Variants in ABCC12 observed in about 807,000 individuals in gnomAD.
ABCC12 encodes the protein ATP binding cassette subfamily C member 12, also known as ATP-binding cassette sub-family C member 12.
Under a neutral mutation model 151.1 loss-of-function variants are expected in ABCC12, and 142 were observed. The observed-to-expected ratio is 0.94, with a 90% CI of 0.82 to 1.08. The LOEUF (loss-of-function observed/expected upper bound fraction) is 1.08, where lower values mean the gene tolerates loss of function less well. ABCC12 is among the 50% of genes least tolerant of loss of function. The probability of loss-of-function intolerance (pLI) is 0.00; values close to 1 mark genes in which losing one functional copy is unlikely to be tolerated. For synonymous variants in ABCC12, 645 were observed against 646.4 expected (o/e 1.00, Z 0.03); for missense variants, 1,638 against 1,691.1 (o/e 0.97, Z 0.55).
chr16:48,137,008 C>T (rs1484208444), intron 8 of ABCC12, among the ~76,000 whole-genome samples: 7 of 152,160 alleles, frequency 4.6e-5, no homozygotes, highest in Non-Finnish European at 8.8e-5. Context: ...TGATAAGAAG[C>T]CACTATTTTC....
intron 11 of ABCC12, among the ~76,000 whole-genome samples, chr16:48,126,260 T>C (rs559083181): frequency 1.4e-3 from 213 of 152,310 alleles, no homozygotes; most frequent in African/African-American, 4.8e-3. Flanking sequence ...TTGAGTCCTA[T>C]CCACTTCTTG....
At chr16:48,086,943 A>T in intron 27 of ABCC12, 124 bp from the exon 28 acceptor site, 4 of 800,308 alleles carry the variant, frequency 5.0e-6, no homozygotes, top group Non-Finnish European at 8.6e-6. Context: ...CTCGTGCTCC[A>T]AGAATAGTGC....
chr16:48,140,176 A>G (rs16945864), intron 6 of ABCC12, among the ~76,000 whole-genome samples: 4,903 of 152,228 alleles, frequency 0.032, 250 homozygotes, highest in African/African-American at 0.11. Context: ...CCCTTGATTC[A>G]AGAGTTTTTG....
intron 22 of ABCC12, among the ~76,000 whole-genome samples, 159 bp from the exon 23 acceptor site, chr16:48,101,168 T>G (rs1418947490): frequency 6.6e-6 from 1 of 152,208 alleles, no homozygotes; most frequent in Non-Finnish European, 1.5e-5. Flanking sequence ...TCTGCAGTGG[T>G]GCCTGCCCCA....
chr16:48,093,586 G>T (rs1223672177), intron 24 of ABCC12, among the ~76,000 whole-genome samples: 1 of 152,070 alleles, frequency 6.6e-6, no homozygotes, highest in Non-Finnish European at 1.5e-5. Context: ...TATTCCAGCT[G>T]CCCACTAGAA....
At chr16:48,097,267 G>C (rs751876195) in intron 23 of ABCC12, among the ~76,000 whole-genome samples, 31 of 151,960 alleles carry the variant, frequency 2.0e-4, no homozygotes, top group Non-Finnish European at 3.7e-4. Context: ...CCCTATCGTG[G>C]AGTCAGTCAC....
chr16:48,081,180 G>T lies in ABCC12; in HGVS notation c.*2535C>A, dbSNP rs1489190645. ...CAGGAGGATTTTGGGGGAACACAAT[G>T]TTCAGATCATAGCAGACACCTACCC... On this transcript the variant is annotated 3_prime_UTR_variant, in exon 31 of 31. Transcript: ENST00000311303. 6.6e-6 allele frequency among the ~76,000 whole-genome samples: 1 copy of T among 152,294 alleles called. No individual in the cohort carries two copies. Among genetic ancestry groups the T allele is most frequent in the East Asian group, 1.9e-4 (1 of 5,184 alleles).
intron 10 of ABCC12, 34 bp from the exon 11 acceptor site, chr16:48,128,771 T>A: frequency 4.4e-6 from 7 of 1,593,798 alleles, no homozygotes; most frequent in Non-Finnish European, 5.1e-6. Flanking sequence ...ACTGAGCAGA[T>A]GTCATCCATT....
chr16:48,083,729 C>T lies in ABCC12; in HGVS notation c.4066G>A (p.Glu1356Lys), dbSNP rs1962450930. 2 of 1,614,128 alleles carry T rather than the reference C, an allele frequency of 1.2e-6. No individual in the cohort carries two copies. The highest frequency in any genetic ancestry group is 1.1e-5 in the South Asian group (1 of 91,090). The change falls in exon 31 of 31, where the codon GAA (glutamate) becomes AAA (lysine). Residue 1356 changes from glutamate to lysine, a missense_variant. Transcript: ENST00000311303. The stretch of plus-strand genomic sequence containing the variant: ...CGCCAGGACCTCTACAATCTGACTT[C>T]TGCTGCTAGTAACATCGCAAATGCA... ...DSAFAMLLAA[E>K]VRL
chr16:48,084,092 T>C lies in ABCC12; in HGVS notation c.3829-19A>G, dbSNP rs1219924670. On this transcript the variant is annotated intron_variant, in intron 29 of 30. Transcript: ENST00000311303. ...GAATGATCTGTGGAGGAGGAAACAT[T>C]ATAAGCCAAAGGCGCACTGAGAGGG... The C allele has an allele frequency of 1.9e-6, 3 of 1,593,848 alleles. No individual in the cohort carries two copies. Among genetic ancestry groups the C allele is most frequent in the South Asian group, 1.2e-5 (1 of 84,628 alleles).
chr16:48,133,719 T>A lies in ABCC12; in HGVS notation c.1096A>T (p.Ile366Phe). The change falls in exon 9 of 31, where the codon ATC (isoleucine) becomes TTC (phenylalanine). Residue 366 changes from isoleucine to phenylalanine, a missense_variant. By Grantham distance (21) the Ile-to-Phe change is conservative. Transcript: ENST00000311303. ...GCGGTGAGTTTGCGTCTCAGGAGGA[T>A]GTGGCAGGATAATGTCAGCACGATG... ...IAIVLTLSCHILLRRKLTAPV... is the reference protein window; with the variant it reads ...IAIVLTLSCHFLLRRKLTAPV... 6.2e-7 allele frequency: 1 copy of A among 1,614,054 alleles called. No individual in the cohort carries two copies. Among genetic ancestry groups the A allele is most frequent in the Middle Eastern group, 1.7e-4 (1 of 6,060 alleles).
chr16:48,130,938 C>A, intron 9 of ABCC12, 43 bp from the exon 10 acceptor site: 2 of 1,421,600 alleles, frequency 1.4e-6, no homozygotes, highest in South Asian at 1.2e-5. Context: ...AAGGAGAAGT[C>A]ACGTTGGCTC....
intron 1 of ABCC12, among the ~76,000 whole-genome samples, chr16:48,155,344 T>C (rs1965170235): frequency 6.8e-6 from 1 of 147,700 alleles, no homozygotes; most frequent in South Asian, 2.1e-4. Context: ...AATTCAAATC[T>C]ACCCTCCCAG....
At chr16:48,149,425 T>C (rs941573521) in intron 2 of ABCC12, among the ~76,000 whole-genome samples, 1 of 152,008 alleles carries the variant, frequency 6.6e-6, no homozygotes, top group Non-Finnish European at 1.5e-5. Flanking sequence ...AGACTGAATA[T>C]AAAAAGAAGA....
In ABCC12 at chr16:48,155,850, G is replaced by A. The variant is rs1354160394; in HGVS notation, c.-329C>T. The stretch of plus-strand genomic sequence containing the variant: ...GGAAATGAAGCTTTACCTGGGCTGA[G>A]GATGAGAGGGAGGGGAGGAGGGTCA... On this transcript the variant is annotated 5_prime_UTR_variant, in exon 1 of 31. Coordinates refer to ENST00000311303, the MANE Select transcript of ABCC12 (RefSeq NM_001393797.1). 6.6e-6 allele frequency: 1 copy of A among 152,442 alleles called. No individual in the cohort carries two copies. The highest frequency in any genetic ancestry group is 1.5e-5 in the Non-Finnish European group (1 of 68,206). 9.4% of individuals were successfully genotyped at this position (152,442 alleles called of 1,614,324 possible).
chr16:48,124,311 A>G (rs369287445), intron 11 of ABCC12, 27 bp from the exon 12 acceptor site: 9 of 1,607,190 alleles, frequency 5.6e-6, no homozygotes, highest in Non-Finnish European at 7.7e-6. Flanking sequence ...GATGGGACAC[A>G]GTCACTCTCT....
chr16:48,139,627 C>T (rs145046754), intron 6 of ABCC12, among the ~76,000 whole-genome samples: 7 of 152,208 alleles, frequency 4.6e-5, no homozygotes, highest in Admixed American at 2.0e-4. Context: ...CCCCCACCCC[C>T]TTCTCCCTCA....
intron 4 of ABCC12, among the ~76,000 whole-genome samples, chr16:48,143,422 T>G (rs8058522): frequency 0.16 from 24,072 of 152,226 alleles, 3,277 homozygotes; most frequent in African/African-American, 0.37. Flanking sequence ...CAACACCCAT[T>G]GGTGTCATTT....
rs41280929 is a variant in ABCC12 at position 48,146,376 on chromosome 16, G to A, written c.49C>T (p.Arg17Trp). The A allele has an allele frequency of 4.4e-4, 703 of 1,614,128 alleles. No homozygotes were observed. The highest frequency in any genetic ancestry group is 5.6e-4 in the Non-Finnish European group (663 of 1,180,016). The change falls in exon 3 of 31, where the codon CGG becomes TGG. Residue 17 changes from arginine to tryptophan, a missense_variant. Physicochemically the swap from Arg to Trp is moderately radical, Grantham distance 101 (BLOSUM62 -3). Transcript: ENST00000311303. ...TATCTTTCTGCAAAGGATCTCCGCC[G>A]GCCTCGCTGGTCCAGATCTGAGATA... ...YLISDLDQRG[R>W]RRSFAERYDP...
Sources: allele counts gnomAD v4.1 joint callset (sites outside exome capture counted in the v4.1 genomes callset), GRCh38; gene constraint gnomAD v4.1.1; transcripts MANE v1.5; gene names NCBI Gene and HGNC (gene_info 2026-07-23, HGNC 2026-07-21).